SORCS3: variants seen among roughly 807,000 people sequenced by gnomAD.
SORCS3 encodes the protein VPS10 domain-containing receptor SorCS3.
Under a neutral mutation model 146.3 loss-of-function variants are expected in SORCS3, and 57 were observed. The observed-to-expected ratio is 0.39, with a 90% CI of 0.31 to 0.49. The LOEUF is 0.49. SORCS3 is among the 20% of genes least tolerant of loss of function. The pLI is 0.92. For missense variants in SORCS3, 1,341 were observed against 1,575.5 expected (o/e 0.85, Z 2.52); for synonymous variants, 653 against 618.5 (o/e 1.06, Z -0.83).
chr10:105,235,042 G>C (rs187344859), intron 20 of SORCS3, among the ~76,000 whole-genome samples: 13 of 152,122 alleles, frequency 8.5e-5, no homozygotes, highest in African/African-American at 2.9e-4. Context: ...TTAGTTCTCA[G>C]GTATTTACAG....
intron 4 of SORCS3, among the ~76,000 whole-genome samples, chr10:104,995,286 A>T (rs1194446233): frequency 1.3e-5 from 2 of 151,408 alleles, no homozygotes; most frequent in African/African-American, 4.9e-5. Context: ...CAGCCTCCTG[A>T]GTAGCTGGGA....
chr10:104,808,528 T>G (rs1446833069), intron 1 of SORCS3, among the ~76,000 whole-genome samples: 1 of 152,048 alleles, frequency 6.6e-6, no homozygotes, highest in Non-Finnish European at 1.5e-5. Flanking sequence ...CTGTAATGGA[T>G]GATGGGAAGG....
chr10:105,174,858 G>T (rs1028352725), intron 13 of SORCS3, among the ~76,000 whole-genome samples: 1 of 152,042 alleles, frequency 6.6e-6, no homozygotes, highest in African/African-American at 2.4e-5. Flanking sequence ...TGCCTTGGAG[G>T]TCGTATCTCA....
At chr10:104,808,209 C>G (rs1244534918) in intron 1 of SORCS3, among the ~76,000 whole-genome samples, 1 of 152,112 alleles carries the variant, frequency 6.6e-6, no homozygotes, top group Non-Finnish European at 1.5e-5. Flanking sequence ...ATACGTTCTG[C>G]TTTTGTGAGT....
At chr10:105,060,201 T>A (rs1369540499) in intron 5 of SORCS3, among the ~76,000 whole-genome samples, 1 of 152,094 alleles carries the variant, frequency 6.6e-6, no homozygotes. Flanking sequence ...TGCGTGCTTG[T>A]GGATCCTCTG....
At chr10:105,261,014 A>G (rs1458754034) in intron 25 of SORCS3, among the ~76,000 whole-genome samples, 1 of 152,236 alleles carries the variant, frequency 6.6e-6, no homozygotes, top group African/African-American at 2.4e-5. Context: ...TTATTCATTG[A>G]TTCAAAAAAT....
At chr10:105,243,149 T>G (rs977326441) in intron 20 of SORCS3, among the ~76,000 whole-genome samples, 2 of 149,364 alleles carry the variant, frequency 1.3e-5, no homozygotes, top group Non-Finnish European at 3.0e-5. Flanking sequence ...GCAAAGGTAA[T>G]GAACCAATTG....
At chr10:104,643,838 T>A (rs1318822463) in intron 1 of SORCS3, among the ~76,000 whole-genome samples, 1 of 152,068 alleles carries the variant, frequency 6.6e-6, no homozygotes, top group African/African-American at 2.4e-5. Context: ...TGTCTTTACA[T>A]CTGTGGCTTC....
chr10:104,948,685 C>T (rs760334111), intron 3 of SORCS3, among the ~76,000 whole-genome samples: 2 of 152,190 alleles, frequency 1.3e-5, no homozygotes, highest in Non-Finnish European at 2.9e-5. Flanking sequence ...AGGGAAGGAA[C>T]CTCTGCAAGA....
intron 20 of SORCS3, among the ~76,000 whole-genome samples, chr10:105,242,939 TATA>T (rs1465191774): frequency 2.5e-5 from 3 of 119,274 alleles, no homozygotes; most frequent in Non-Finnish European, 4.8e-5. Context: ...ATAAATTATA[TATA>T]ATATATGATA....
chr10:105,139,611 AC>A, intron 8 of SORCS3, 125 bp downstream of exon 8: 1 of 686,062 alleles, frequency 1.5e-6, no homozygotes, highest in Non-Finnish European at 2.6e-6. Flanking sequence ...AGACTCACTC[AC>A]CACCAAGTCG....
chr10:105,039,904 AC>A (rs2133702177), intron 4 of SORCS3, among the ~76,000 whole-genome samples: 1 of 152,190 alleles, frequency 6.6e-6, no homozygotes, highest in African/African-American at 2.4e-5. Flanking sequence ...TGTCAGTGTG[AC>A]CCTCATGGTT....
In SORCS3 at chr10:105,216,981, A is replaced by T; in HGVS notation, c.2593A>T (p.Ile865Phe). 4 of 1,614,200 alleles carry T rather than the reference A, an allele frequency of 2.5e-6. No homozygotes were observed. In the South Asian group the frequency reaches 4.4e-5, roughly 18 times the overall value. ...TNIQLDFGDG[I>F]AVSYANFSPI... ...CATCCAGCTTGACTTTGGGGATGGG[A>T]TTGCTGTGTCCTACGCAAACTTCAG... is the stretch of plus-strand genomic sequence containing the variant. The change falls in exon 19 of 27, where the codon ATT becomes TTT. Residue 865 changes from isoleucine to phenylalanine, a missense_variant. Physicochemically the swap from Ile to Phe is conservative, Grantham distance 21 (BLOSUM62 0). Transcript: ENST00000369701.
intron 1 of SORCS3, among the ~76,000 whole-genome samples, chr10:104,722,525 A>G (rs1253706674): frequency 2.0e-5 from 3 of 152,008 alleles, no homozygotes; most frequent in East Asian, 1.9e-4. Flanking sequence ...CTCTTTTTCT[A>G]TTGATTGGAA....
intron 5 of SORCS3, among the ~76,000 whole-genome samples, chr10:105,086,846 C>T (rs2055664184): frequency 6.6e-6 from 1 of 152,162 alleles, no homozygotes; most frequent in Non-Finnish European, 1.5e-5. Flanking sequence ...GAATTTTTCT[C>T]CCGTTCTGTA....
intron 1 of SORCS3, among the ~76,000 whole-genome samples, chr10:104,792,196 G>A (rs1170477804): frequency 1.3e-5 from 2 of 152,156 alleles, no homozygotes; most frequent in African/African-American, 2.4e-5. Context: ...GTTCTGGTCT[G>A]AATTCAAAAC....
chr10:104,964,354 C>T (rs549080349), intron 3 of SORCS3, among the ~76,000 whole-genome samples: 2 of 152,282 alleles, frequency 1.3e-5, no homozygotes, highest in South Asian at 4.1e-4. Context: ...CCTTTCCTGA[C>T]CACATGATTT....
Position 105,264,575 on chromosome 10 carries a change from C to T in SORCS3, c.*1201C>T, listed in dbSNP as rs2056980771. 6.6e-6 allele frequency: 1 copy of T among 152,578 alleles called. No homozygotes were observed. Among genetic ancestry groups the T allele is most frequent in the Middle Eastern group, 3.2e-3 (1 of 316 alleles). 9.5% of individuals were successfully genotyped at this position (152,578 alleles called of 1,614,324 possible). A position where few individuals can be genotyped will look rare whatever the true frequency, so the allele number is the denominator to read the frequency against. ...AATTATGAGTTCATGCAAAACTCTC[C>T]AGGCCAAGTAGGGGTCTAGCCTTTA... On this transcript the variant is annotated 3_prime_UTR_variant, in exon 27 of 27. Transcript: ENST00000369701.
intron 1 of SORCS3, among the ~76,000 whole-genome samples, chr10:104,661,402 C>G (rs980560810): frequency 6.6e-6 from 1 of 152,158 alleles, no homozygotes; most frequent in Non-Finnish European, 1.5e-5. Flanking sequence ...CTTGCTCCAC[C>G]ACCCTAACTT....
Sources: gnomAD v4.1 joint callset for allele counts (sites outside exome capture counted in the v4.1 genomes callset) on GRCh38, gnomAD v4.1.1 for gene constraint, MANE v1.5 for transcripts, NCBI Gene and HGNC (gene_info 2026-07-23, HGNC 2026-07-21) for gene names.